Variants in PDE4D observed in about 807,000 individuals in gnomAD.
PDE4D encodes phosphodiesterase 4D.
A neutral mutation model predicts 87.4 loss-of-function variants in PDE4D; 24 were observed. That is an observed-to-expected ratio of 0.27 (90% CI 0.20 to 0.39). PDE4D has a LOEUF of 0.39. Among genes scored for constraint, PDE4D ranks in the 10% least tolerant of loss-of-function variants. PDE4D has a pLI of 1.00. For missense variants in PDE4D, 714 were observed against 1,041.0 expected (o/e 0.69, Z 4.32); for synonymous variants, 384 against 383.2 (o/e 1.00, Z -0.02).
intron 1 of PDE4D, among the ~76,000 whole-genome samples, chr5:60,376,517 A>G (rs991547095): frequency 6.6e-6 from 1 of 152,210 alleles, no homozygotes; most frequent in Non-Finnish European, 1.5e-5. Context: ...AATCTACTAC[A>G]GAAGCCACAG....
intron 1 of PDE4D, among the ~76,000 whole-genome samples, chr5:60,378,806 G>A (rs1761630297): frequency 6.6e-6 from 1 of 151,884 alleles, no homozygotes. Flanking sequence ...TGAGCCTAGA[G>A]AGCACCACTG....
chr5:60,087,197 A>G (rs1304302590), intron 2 of PDE4D, among the ~76,000 whole-genome samples: 1 of 152,236 alleles, frequency 6.6e-6, no homozygotes, highest in African/African-American at 2.4e-5. Context: ...TGCACACTAT[A>G]AGACTCCCAG....
chr5:59,292,643 T>A (rs1768259448), intron 1 of PDE4D, among the ~76,000 whole-genome samples: 1 of 152,168 alleles, frequency 6.6e-6, no homozygotes, highest in Non-Finnish European at 1.5e-5. Flanking sequence ...GAATACTCAT[T>A]TGACAATTAT....
intron 1 of PDE4D, among the ~76,000 whole-genome samples, chr5:59,565,279 G>A (rs985431840): frequency 6.6e-6 from 1 of 152,108 alleles, no homozygotes; most frequent in African/African-American, 2.4e-5. Flanking sequence ...AACATTTTGG[G>A]AGGCTGAACC....
At chr5:60,402,901 G>A (rs1237472705) in intron 1 of PDE4D, among the ~76,000 whole-genome samples, 1 of 152,120 alleles carries the variant, frequency 6.6e-6, no homozygotes, top group Non-Finnish European at 1.5e-5. Flanking sequence ...GTCCTTGCAG[G>A]GCTATAATCC....
chr5:59,093,275 A>T (rs546703367), intron 5 of PDE4D, among the ~76,000 whole-genome samples: 2 of 152,118 alleles, frequency 1.3e-5, no homozygotes, highest in African/African-American at 4.8e-5. Flanking sequence ...AATTATATGG[A>T]GCCTTTGGAT....
At chr5:59,506,903 CATAATCA>C (rs1304943982) in intron 1 of PDE4D, among the ~76,000 whole-genome samples, 1 of 152,116 alleles carries the variant, frequency 6.6e-6, no homozygotes, top group Non-Finnish European at 1.5e-5. Context: ...ATGCATGCCT[CATAATCA>C]AGCAATTCCA....
intron 1 of PDE4D, among the ~76,000 whole-genome samples, chr5:59,525,226 G>T (rs1812883310): frequency 6.6e-6 from 1 of 152,228 alleles, no homozygotes; most frequent in Admixed American, 6.5e-5. Context: ...AAAAACCACA[G>T]GGGTGGAGCT....
At chr5:59,639,755 T>C (rs182225494) in intron 1 of PDE4D, among the ~76,000 whole-genome samples, 1 of 152,096 alleles carries the variant, frequency 6.6e-6, no homozygotes, top group East Asian at 1.9e-4. Flanking sequence ...CACAAATCAA[T>C]TTGGTTTTAC....
intron 11 of PDE4D, among the ~76,000 whole-genome samples, chr5:58,985,979 C>G (rs970484240): frequency 6.6e-6 from 1 of 152,196 alleles, no homozygotes; most frequent in Admixed American, 6.5e-5. Context: ...GGGATACTTT[C>G]CTGTACAAAG....
intron 1 of PDE4D, among the ~76,000 whole-genome samples, chr5:59,415,114 GGAAAT>G (rs1432572232): frequency 6.6e-6 from 1 of 152,138 alleles, no homozygotes; most frequent in Non-Finnish European, 1.5e-5. Context: ...TAGTGGCAGT[GGAAAT>G]GAAGTCACAG....
chr5:59,668,249 G>C (rs1308569758), intron 1 of PDE4D, among the ~76,000 whole-genome samples: 1 of 152,152 alleles, frequency 6.6e-6, no homozygotes, highest in Non-Finnish European at 1.5e-5. Context: ...AACTTTAAAT[G>C]AGATGAATAT....
intron 3 of PDE4D, among the ~76,000 whole-genome samples, chr5:59,932,087 C>A (rs1229054772): frequency 1.3e-5 from 2 of 152,180 alleles, no homozygotes; most frequent in African/African-American, 4.8e-5. Flanking sequence ...GCCATACACT[C>A]TAAACAGCAT....
intron 1 of PDE4D, among the ~76,000 whole-genome samples, chr5:59,523,763 G>A (rs1336814759): frequency 6.6e-6 from 1 of 152,074 alleles, no homozygotes; most frequent in Non-Finnish European, 1.5e-5. Context: ...CCCACGTTTT[G>A]GGGGAAAGTC....
At chr5:60,366,186 A>G (rs1463800413) in intron 1 of PDE4D, among the ~76,000 whole-genome samples, 2 of 152,076 alleles carry the variant, frequency 1.3e-5, no homozygotes, top group African/African-American at 4.8e-5. Context: ...ATGGACTTCC[A>G]TCCTGTTCCT....
Position 59,075,860 on chromosome 5 carries a change from C to A in PDE4D, c.809-36889G>T, listed in dbSNP as rs377585807. Among the ~76,000 whole-genome samples, 161 of 151,928 alleles carry A rather than the reference C, an allele frequency of 1.1e-3. 2 individuals carry two copies. The highest frequency in any genetic ancestry group is 3.5e-3 in the African/African-American group (146 of 41,454). On this transcript the variant is annotated intron_variant, in intron 5 of 14. Coordinates refer to ENST00000340635, the MANE Select transcript of PDE4D (RefSeq NM_001104631.2). ...TATAAATATCCATTTTTTTTAAAGACCCATACTATCTTTTCCTATGCAATT... is the reference window on the plus strand; with the variant it reads ...TATAAATATCCATTTTTTTTAAAGAACCATACTATCTTTTCCTATGCAATT...
chr5:59,448,613 T>C (rs1304472369), intron 1 of PDE4D, among the ~76,000 whole-genome samples: 1 of 152,156 alleles, frequency 6.6e-6, no homozygotes, highest in Admixed American at 6.5e-5. Flanking sequence ...AAAGGAAGAA[T>C]GTAGAATAAT....
intron 1 of PDE4D, among the ~76,000 whole-genome samples, chr5:60,411,895 A>C (rs1211161853): frequency 6.6e-6 from 1 of 152,176 alleles, no homozygotes; most frequent in African/African-American, 2.4e-5. Flanking sequence ...CCCGCAAAAA[A>C]GGTGGCTAGA....
chr5:59,922,331 T>G (rs558335870), intron 3 of PDE4D, among the ~76,000 whole-genome samples: 3 of 151,920 alleles, frequency 2.0e-5, no homozygotes, highest in Non-Finnish European at 4.4e-5. Context: ...TTAGAATTAG[T>G]GTTTATGGGG....
Sources: allele counts gnomAD v4.1 joint callset (sites outside exome capture counted in the v4.1 genomes callset), GRCh38; gene constraint gnomAD v4.1.1; transcripts MANE v1.5; gene names NCBI Gene and HGNC (gene_info 2026-07-23, HGNC 2026-07-21).